Variants in TUSC3 observed in about 807,000 individuals in gnomAD.
TUSC3 encodes the protein tumor suppressor candidate 3.
TUSC3 carries 45 observed loss-of-function variants against 44.8 expected under a neutral mutation model. The ratio of observed to expected loss-of-function variants is 1.00; its 90% confidence interval spans 0.79 to 1.29. The LOEUF is 1.29. Ranked by LOEUF, TUSC3 falls within the 50% of genes most tolerant of loss-of-function variation. The probability of loss-of-function intolerance (pLI) is 0.00; values close to 1 mark genes in which losing one functional copy is unlikely to be tolerated. For synonymous variants in TUSC3, 212 were observed against 152.9 expected (o/e 1.39, Z -2.85); for missense variants, 519 against 437.9 (o/e 1.19, Z -1.65).
At chr8:15,791,976 C>T in the TUSC3 span, among the ~76,000 whole-genome samples, 4 of 152,140 alleles carry the variant, frequency 2.6e-5, no homozygotes, top group East Asian at 3.9e-4. Flanking sequence ...TTTAAAGGAG[C>T]GTTCAAGACA....
At chr8:15,692,061 G>C (rs963794791) in intron 6 of TUSC3, among the ~76,000 whole-genome samples, 1 of 152,130 alleles carries the variant, frequency 6.6e-6, no homozygotes, top group African/African-American at 2.4e-5. Context: ...GATTTCAATC[G>C]TGAGCCACCA....
At chr8:15,540,848 C>A (rs1801663876) in intron 1 of TUSC3, among the ~76,000 whole-genome samples, 1 of 152,192 alleles carries the variant, frequency 6.6e-6, no homozygotes, top group Admixed American at 6.5e-5. Flanking sequence ...GCTGGAAGCC[C>A]AGCTTAGAGC....
At chr8:15,457,677 A>G (rs1234700134) in intron 1 of TUSC3, among the ~76,000 whole-genome samples, 1 of 149,874 alleles carries the variant, frequency 6.7e-6, no homozygotes, top group Admixed American at 6.7e-5. Context: ...TATAAACAGC[A>G]TTGCATTCAC....
chr8:15,722,623 C>T (rs188539615), intron 6 of TUSC3, among the ~76,000 whole-genome samples: 1 of 152,104 alleles, frequency 6.6e-6, no homozygotes, highest in East Asian at 1.9e-4. Context: ...TGTTGTTTAC[C>T]TGCCTGATTC....
At chr8:15,634,122 A>T (rs1354955903) in intron 2 of TUSC3, among the ~76,000 whole-genome samples, 1 of 152,204 alleles carries the variant, frequency 6.6e-6, no homozygotes, top group African/African-American at 2.4e-5. Context: ...GTATTGGAGC[A>T]AAGACAAGAT....
Position 15,624,126 on chromosome 8 carries a change from A to C in TUSC3, c.308+877A>C, listed in dbSNP as rs142639491. 7.8e-4 allele frequency among the ~76,000 whole-genome samples: 119 copies of C among 152,346 alleles called. 1 individual carries two copies. The East Asian group carries it at 0.021, about 27-fold the overall frequency. Reference sequence around the variant, plus strand: ...ATCAGCCGTAATTCCCTAAAAAAATACGTCCAAGTTGTTATATTTATCAAT... The same window carrying C: ...ATCAGCCGTAATTCCCTAAAAAAATCCGTCCAAGTTGTTATATTTATCAAT... On this transcript the variant is annotated intron_variant, in intron 2 of 10. Coordinates refer to ENST00000503731, the MANE Select transcript of TUSC3 (RefSeq NM_006765.4).
At chr8:15,451,602 A>G (rs1470505593) in intron 1 of TUSC3, among the ~76,000 whole-genome samples, 1 of 152,206 alleles carries the variant, frequency 6.6e-6, no homozygotes, top group African/African-American at 2.4e-5. Context: ...TGCCAAATGC[A>G]TCTCTTCCAT....
At chr8:15,820,415 G>A in the TUSC3 span, among the ~76,000 whole-genome samples, 1,474 of 150,288 alleles carry the variant, frequency 9.8e-3, 11 homozygotes, top group Non-Finnish European at 0.014. Flanking sequence ...AGGTTCAAGC[G>A]ATCAAGCGAT....
At chr8:15,452,532 T>C (rs1021535189) in intron 1 of TUSC3, among the ~76,000 whole-genome samples, 1 of 152,144 alleles carries the variant, frequency 6.6e-6, no homozygotes, top group Non-Finnish European at 1.5e-5. Flanking sequence ...ATTAGTACTG[T>C]GGAGCCCTAA....
intron 1 of TUSC3, among the ~76,000 whole-genome samples, chr8:15,543,616 C>T (rs954827425): frequency 2.6e-5 from 4 of 151,660 alleles, no homozygotes; most frequent in Non-Finnish European, 5.9e-5. Context: ...ATATAAAATG[C>T]TTAGTGCAAT....
chr8:15,555,410 C>A (rs1219620572), intron 1 of TUSC3, among the ~76,000 whole-genome samples: 1 of 149,516 alleles, frequency 6.7e-6, no homozygotes, highest in Non-Finnish European at 1.5e-5. Context: ...GATCCTCCCA[C>A]CTCAGCCTCC....
chr8:15,425,927 G>A (rs1270165719), intron 1 of TUSC3, among the ~76,000 whole-genome samples: 1 of 152,154 alleles, frequency 6.6e-6, no homozygotes, highest in Non-Finnish European at 1.5e-5. Flanking sequence ...AAGGTGAGAG[G>A]ATCGCTTGAG....
At chr8:15,655,093 C>G (rs1176865677) in intron 3 of TUSC3, among the ~76,000 whole-genome samples, 2 of 152,122 alleles carry the variant, frequency 1.3e-5, no homozygotes, top group Non-Finnish European at 2.9e-5. Context: ...GAGAGGGTCC[C>G]TCACCCCAGG....
At chr8:15,610,621 A>G (rs1166856926) in intron 1 of TUSC3, among the ~76,000 whole-genome samples, 2 of 152,352 alleles carry the variant, frequency 1.3e-5, no homozygotes, top group East Asian at 3.9e-4. Context: ...TTACTTCGAA[A>G]TATTCTTTTT....
intron 1 of TUSC3, among the ~76,000 whole-genome samples, chr8:15,444,011 G>T (rs765708472): frequency 6.6e-6 from 1 of 152,070 alleles, no homozygotes; most frequent in Admixed American, 6.5e-5. Flanking sequence ...GAATGCTCGG[G>T]GAAACTGATT....
At chr8:15,581,622 G>T (rs1803344930) in intron 1 of TUSC3, among the ~76,000 whole-genome samples, 1 of 149,852 alleles carries the variant, frequency 6.7e-6, no homozygotes, top group Non-Finnish European at 1.5e-5. Context: ...CTCCCAGTTA[G>T]GCTGCTTGGG....
chr8:15,773,367 A>G, the TUSC3 span, among the ~76,000 whole-genome samples: 1 of 152,196 alleles, frequency 6.6e-6, no homozygotes, highest in African/African-American at 2.4e-5. Flanking sequence ...TTCATTTATA[A>G]TAGAACCAAA....
At chr8:15,730,017 T>C (rs938729734) in intron 6 of TUSC3, among the ~76,000 whole-genome samples, 5 of 152,134 alleles carry the variant, frequency 3.3e-5, no homozygotes, top group African/African-American at 1.2e-4. Flanking sequence ...ATAGGACATT[T>C]ATTTAAAACA....
chr8:15,645,551 G>C (rs1806587587), intron 2 of TUSC3, among the ~76,000 whole-genome samples: 1 of 151,878 alleles, frequency 6.6e-6, no homozygotes, highest in Non-Finnish European at 1.5e-5. Flanking sequence ...TTATGTACTA[G>C]AGTGCTTATC....
Sources: allele counts gnomAD v4.1 joint callset (sites outside exome capture counted in the v4.1 genomes callset), GRCh38; gene constraint gnomAD v4.1.1; transcripts MANE v1.5; gene names NCBI Gene and HGNC (gene_info 2026-07-23, HGNC 2026-07-21).